The following NSD3 variants were observed in gnomAD, a reference collection of about 807,000 sequenced individuals.
The protein encoded by NSD3 is histone-lysine N-methyltransferase NSD3.
NSD3 carries 24 observed loss-of-function variants against 160.8 expected under a neutral mutation model. That is an observed-to-expected ratio of 0.15 (90% CI 0.11 to 0.21). NSD3 has a LOEUF of 0.21. NSD3 is among the 10% of genes least tolerant of loss of function. The pLI is 1.00. For missense variants in NSD3, 1,157 were observed against 1,735.9 expected, an observed-to-expected ratio of 0.67 and a Z score of 5.93; for synonymous variants, 520 against 600.0, an observed-to-expected ratio of 0.87 and a Z score of 1.95.
rs773728651 is a variant in NSD3, at chr8:38,348,005, C to T, written c.167G>A (p.Gly56Asp). Reference sequence around the variant, plus strand: ...TTCTGTTGTAGCTGGGTACTGAAAGCCTTGCTGCAAAGTAGCTTCATATGG... The same window carrying T: ...TTCTGTTGTAGCTGGGTACTGAAAGTCTTGCTGCAAAGTAGCTTCATATGG... ...QTPYEATLQQ[G>D]FQYPATTEDL... The change falls in exon 2 of 24, where the codon GGC becomes GAC. Residue 56 changes from glycine to aspartate, a missense_variant. Transcript: ENST00000317025. 3 of 1,614,154 alleles carry T rather than the reference C, an allele frequency of 1.9e-6. No individual in the cohort carries two copies. Among genetic ancestry groups the T allele is most frequent in the South Asian group, 1.1e-5 (1 of 91,068 alleles).
rs72644724 is a variant in NSD3 at position 38,300,748 on chromosome 8, T to C, written c.2612-1158A>G. ...TGTGAGACCAGGGGACATTTCTCTA[T>C]CCTCTATCTTGGTTACTGGATCAGT... On this transcript the variant is annotated intron_variant, in intron 14 of 23. Coordinates refer to ENST00000317025, the MANE Select transcript of NSD3 (RefSeq NM_023034.2). 8.7e-3 allele frequency among the ~76,000 whole-genome samples: 1,331 copies of C among 152,280 alleles called. 11 individuals are homozygous for C. Among genetic ancestry groups the C allele is most frequent in the Non-Finnish European group, 0.013 (904 of 68,018 alleles).
At position 38,275,326 on chromosome 8, in the gene NSD3, AACTT is replaced by A; in HGVS notation, c.*311_*314del. On this transcript the variant is annotated 3_prime_UTR_variant, in exon 24 of 24. Transcript: ENST00000317025. ...GACTTTAAATTTATCTCATTAACAA[AACTT>A]ACTTTTCTCTTTGTTCTTATTTTAA... 3.2e-6 allele frequency: 1 copy of A among 314,408 alleles called. No individual in the cohort carries two copies. The highest frequency in any genetic ancestry group is 5.9e-6 in the Non-Finnish European group (1 of 169,198). The allele number at this position is 314,408 out of a possible 1,614,324, so 19.5% of individuals were successfully genotyped here.
chr8:38,304,490 G>T, intron 14 of NSD3, 97 bp downstream of exon 14: 2 of 1,240,662 alleles, frequency 1.6e-6, no homozygotes, highest in Non-Finnish European at 2.2e-6. Context: ...GATTCTACTA[G>T]ATGGCCTGAG....
chr8:38,313,070 T>C (rs2131018350), intron 12 of NSD3, among the ~76,000 whole-genome samples: 1 of 152,344 alleles, frequency 6.6e-6, no homozygotes, highest in African/African-American at 2.4e-5. Flanking sequence ...ACCCCGGGGC[T>C]GCCAGTTGGC....
rs753446107 is a variant in NSD3 at position 38,289,395 on chromosome 8, T to C, written c.3229A>G (p.Lys1077Glu). The C allele has an allele frequency of 3.5e-5, 56 of 1,611,240 alleles. No homozygotes were observed. The highest frequency in any genetic ancestry group is 4.6e-5 in the Non-Finnish European group (54 of 1,178,888). The change falls in exon 18 of 24, where the codon AAA (lysine) becomes GAA (glutamate). Residue 1077 changes from lysine (K) to glutamate (E), a missense_variant and splice_region_variant. Around this residue, in one of 10 missense-constraint regions of NSD3, gnomAD observed 437 missense variants for 576.6 expected, o/e 0.76. Transcript: ENST00000317025. ...SRKPPPYKHI[K>E]ANKVIGKVQI... Reference sequence around the variant, plus strand: ...CCAGGCCAGAGATAAAGACTTACTTTGATGTGTTTGTAGGGAGGGGGTTTT... The same window carrying C: ...CCAGGCCAGAGATAAAGACTTACTTCGATGTGTTTGTAGGGAGGGGGTTTT...
rs1004189089 is a variant in NSD3 at position 38,314,768 on chromosome 8, A to G, written c.2121T>C (p.Cys707=). The change falls in exon 12 of 24, where the codon TGT becomes TGC. Residue 707 remains cysteine (C), a synonymous_variant. Coordinates refer to ENST00000317025, the MANE Select transcript of NSD3 (RefSeq NM_023034.2). ...GAATCAGAGAGTCACCAGAGCTTTC[A>G]CAAATCTGTAATATGGCAAAAAGCA... ...MSKKDTVCQI[C]ESSGDSLIPC... is the part of the protein sequence containing the mutation. The G allele has an allele frequency of 3.1e-6, 5 of 1,613,720 alleles. No individual in the cohort carries two copies. Among genetic ancestry groups the G allele is most frequent in the Non-Finnish European group, 4.2e-6 (5 of 1,179,894 alleles).
chr8:38,341,700 C>T (rs896515817), intron 2 of NSD3, among the ~76,000 whole-genome samples: 2 of 151,958 alleles, frequency 1.3e-5, no homozygotes, highest in Non-Finnish European at 2.9e-5. Context: ...ACCTATAATC[C>T]CAGGACTTTG....
intron 20 of NSD3, chr8:38,279,986 T>C (rs1808695157): frequency 4.4e-6 from 1 of 228,094 alleles, no homozygotes; most frequent in Admixed American, 5.3e-5. Context: ...GAATGGTATT[T>C]TCTGATTAGA....
intron 5 of NSD3, among the ~76,000 whole-genome samples, chr8:38,331,070 C>T (rs1196566366): frequency 1.3e-5 from 2 of 151,778 alleles, no homozygotes; most frequent in East Asian, 3.9e-4. Flanking sequence ...TTTTGTTAAA[C>T]AAGAATGAAA....
chr8:38,338,439 G>T, intron 3 of NSD3, 97 bp downstream of exon 3: 1 of 928,664 alleles, frequency 1.1e-6, no homozygotes, highest in South Asian at 1.6e-5. Flanking sequence ...CTGAAATTAA[G>T]AAGCGTAGTA....
rs1341197862 is a variant in NSD3 at position 38,288,445 on chromosome 8, A to T, written c.3501+42T>A. 1 of 1,592,892 alleles carries T rather than the reference A, an allele frequency of 6.3e-7. No homozygotes were observed. Among genetic ancestry groups the T allele is most frequent in the Non-Finnish European group, 8.6e-7 (1 of 1,167,844 alleles). ...CCTACTGAAGCATTCCTGAAAAGCC[A>T]GGTTCTGGTCTCTTCCACCCCCCAC... On this transcript the variant is annotated intron_variant, in intron 19 of 23. Transcript: ENST00000317025. The surrounding 1 kb of genome is among the most constrained non-coding windows in gnomAD (Gnocchi z 4.5).
At chr8:38,369,808 T>C (rs1263570848) in intron 1 of NSD3, among the ~76,000 whole-genome samples, 1 of 151,904 alleles carries the variant, frequency 6.6e-6, no homozygotes, top group Non-Finnish European at 1.5e-5. Flanking sequence ...TTTGTTTTTG[T>C]TTTTGAGACA....
At chr8:38,296,785 C>G (rs568035185) in intron 15 of NSD3, among the ~76,000 whole-genome samples, 1 of 151,830 alleles carries the variant, frequency 6.6e-6, no homozygotes, top group South Asian at 2.1e-4. Flanking sequence ...CTATCTTGCC[C>G]AGGCTGGTCT....
chr8:38,365,922 A>G (rs1285990526), intron 1 of NSD3, among the ~76,000 whole-genome samples: 1 of 152,088 alleles, frequency 6.6e-6, no homozygotes, highest in African/African-American at 2.4e-5. Flanking sequence ...CGGTTTACTC[A>G]AGTATTCCAT....
Position 38,337,461 on chromosome 8 carries a change from G to A in NSD3, c.754C>T (p.Pro252Ser). Residue 252 changes from proline to serine, a missense_variant, in exon 4 of 24, where the codon CCA (proline) becomes TCA (serine). This residue lies in a region of NSD3 where 99 missense variants were observed against 151.8 expected (regional missense o/e 0.65). Transcript: ENST00000317025. ...PVLKEEAPVQ[P>S]ILSSVPTTEV... The stretch of plus-strand genomic sequence containing the variant: ...GTTGTTGGAACAGAAGATAGTATTG[G>A]CTGAACCTACAGGAAAGGGTCAAAA... The A allele has an allele frequency of 1.3e-6, 2 of 1,578,992 alleles. No individual in the cohort carries two copies. The highest frequency in any genetic ancestry group is 2.4e-5 in the South Asian group (2 of 83,458).
intron 1 of NSD3, among the ~76,000 whole-genome samples, chr8:38,357,864 CAG>C (rs1433475354): frequency 1.3e-5 from 2 of 152,018 alleles, no homozygotes; most frequent in Non-Finnish European, 2.9e-5. Flanking sequence ...GAGGTAGTAA[CAG>C]AATATAAAAG....
rs540281983 is a variant in NSD3, at chr8:38,299,451, A to G, written c.2751T>C (p.Cys917=). 5 of 1,609,756 alleles carry G rather than the reference A, an allele frequency of 3.1e-6. No homozygotes were observed. The South Asian group carries it at 5.6e-5, about 18-fold the overall frequency. ...AACTATTTTGATTATTACCTTTCTC[A>G]CATTTCTTTTTGGAAGCTGACGAAG... ...IPSSSASKKK[C]EKGGRLLCCE... The change falls in exon 15 of 24, where the codon TGT becomes TGC. Residue 917 remains cysteine, a synonymous_variant. Coordinates refer to ENST00000317025, the MANE Select transcript of NSD3 (RefSeq NM_023034.2).
intron 6 of NSD3, 54 bp from the exon 7 acceptor site, chr8:38,326,910 G>T: frequency 6.3e-7 from 1 of 1,590,146 alleles, no homozygotes; most frequent in Non-Finnish European, 8.6e-7. Context: ...CCAGGCAAGT[G>T]GCATCATGGG....
At chr8:38,293,739 A>G (rs972834730) in intron 16 of NSD3, among the ~76,000 whole-genome samples, 1 of 151,344 alleles carries the variant, frequency 6.6e-6, no homozygotes, top group Non-Finnish European at 1.5e-5. Context: ...CCTGGCCAAC[A>G]CAGTGAAACC....
Sources: gnomAD v4.1 joint callset for allele counts (sites outside exome capture counted in the v4.1 genomes callset) on GRCh38, gnomAD v4.1.1 for gene constraint, gnomAD v4.1.1 regional missense constraint, Gnocchi (gnomAD v3.1) non-coding constraint, MANE v1.5 for transcripts, NCBI Gene and HGNC (gene_info 2026-07-23, HGNC 2026-07-21) for gene names.